Variants in CD36 observed in about 807,000 individuals in gnomAD.
CD36 encodes CD36 molecule (CD36 blood group).
A neutral mutation model predicts 55.2 loss-of-function variants in CD36; 119 were observed. The observed-to-expected ratio is 2.15, with a 90% CI of 1.86 to 2.51. CD36 has a LOEUF of 2.51. Ranked by LOEUF, CD36 falls within the 30% of genes most tolerant of loss-of-function variation. The probability of loss-of-function intolerance (pLI) is 0.00; values close to 1 mark genes in which losing one functional copy is unlikely to be tolerated. For synonymous variants in CD36, 186 were observed against 193.6 expected (o/e 0.96, Z 0.33); for missense variants, 819 against 555.5 (o/e 1.47, Z -4.77).
At position 80,669,989 on chromosome 7, in the gene CD36, AGGTATTGCAGTTCTTTTCTTCT is replaced by A. The variant is rs754365623; in HGVS notation, c.787_808del (p.Val263IlefsTer16). 1.4e-4 allele frequency: 221 copies of A among 1,612,236 alleles called. No homozygotes were observed. Among genetic ancestry groups the A allele is most frequent in the Middle Eastern group, 9.9e-4 (6 of 6,082 alleles). ...TTTCCACCTTTTGTTGAGAAAAGCC[AGGTATTGCAGTTCTTTTCTTCT>A]GATATTTGCAGGTAAGACAGATACT... On this transcript the variant is annotated frameshift_variant, in exon 9 of 15. Transcript: ENST00000447544. LOFTEE classifies it high-confidence loss of function.
At chr7:80,611,809 T>C (rs745745284) in intron 1 of CD36, among the ~76,000 whole-genome samples, 1 of 152,186 alleles carries the variant, frequency 6.6e-6, no homozygotes. Context: ...AGACTGAAGC[T>C]AAAGCTGTAA....
intron 1 of CD36, among the ~76,000 whole-genome samples, chr7:80,606,921 T>A (rs1722511): frequency 6.6e-6 from 1 of 152,166 alleles, no homozygotes; most frequent in African/African-American, 2.4e-5. Context: ...TGCTTGAATG[T>A]TCCTTCCCCT....
chr7:80,619,074 G>A (rs1170044119), intron 1 of CD36, among the ~76,000 whole-genome samples: 1 of 152,160 alleles, frequency 6.6e-6, no homozygotes, highest in Non-Finnish European at 1.5e-5. Context: ...TGAAATCAAT[G>A]CTTACAACCA....
At chr7:80,651,904 G>C (rs1795653735) in intron 3 of CD36, among the ~76,000 whole-genome samples, 1 of 152,016 alleles carries the variant, frequency 6.6e-6, no homozygotes, top group Non-Finnish European at 1.5e-5. Flanking sequence ...GTGAGACCCT[G>C]TCTCCCCCCG....
intron 3 of CD36, among the ~76,000 whole-genome samples, chr7:80,648,607 G>C (rs1795356597): frequency 6.6e-6 from 1 of 151,954 alleles, no homozygotes; most frequent in Non-Finnish European, 1.5e-5. Flanking sequence ...TAATGACTAA[G>C]AGAATAATAT....
At position 80,671,047 on chromosome 7, in the gene CD36, T is replaced by G. The variant is rs1209651691; in HGVS notation, c.889T>G (p.Ser297Ala). Residue 297 changes from serine to alanine, a missense_variant, in exon 10 of 15, where the codon TCC becomes GCC. Coordinates refer to ENST00000447544, the MANE Select transcript of CD36 (RefSeq NM_001001548.3). ...CCCTGTGTATAGATTTGTTCTTCCATCCAAGGCCTTTGCCTCTCCAGTTGA... is the reference window on the plus strand; with the variant it reads ...CCCTGTGTATAGATTTGTTCTTCCAGCCAAGGCCTTTGCCTCTCCAGTTGA... ...GIPVYRFVLP[S>A]KAFASPVENP... The G allele has an allele frequency of 5.6e-6, 9 of 1,612,796 alleles. No homozygotes were observed. The highest frequency in any genetic ancestry group is 7.6e-6 in the Non-Finnish European group (9 of 1,178,986).
chr7:80,630,136 CTAAG>C (rs1793991984), intron 1 of CD36, among the ~76,000 whole-genome samples: 1 of 151,838 alleles, frequency 6.6e-6, no homozygotes, highest in Admixed American at 6.6e-5. Context: ...GGTTAAGAGA[CTAAG>C]TAGCAGAATA....
chr7:80,666,359 G>A (rs1797091557), intron 7 of CD36, 84 bp from the exon 8 acceptor site: 2 of 858,520 alleles, frequency 2.3e-6, no homozygotes, highest in Admixed American at 1.8e-5. Flanking sequence ...ATTAACAGAA[G>A]TATTGAATTA....
At chr7:80,645,780 ATTC>A (rs1310543612) in intron 1 of CD36, among the ~76,000 whole-genome samples, 1 of 150,502 alleles carries the variant, frequency 6.6e-6, no homozygotes, top group African/African-American at 2.4e-5. Flanking sequence ...TAGGGAAAAA[ATTC>A]TTCAGTAAGA....
chr7:80,673,753 C>T (rs911491697), intron 13 of CD36: 4 of 582,684 alleles, frequency 6.9e-6, no homozygotes, highest in Non-Finnish European at 9.1e-6. Context: ...ACTGTTGACC[C>T]TTTGATAGTT....
chr7:80,632,908 C>T (rs13438282), intron 1 of CD36, among the ~76,000 whole-genome samples: 69,174 of 151,448 alleles, frequency 0.46, 16,835 homozygotes, highest in Non-Finnish European at 0.54. Flanking sequence ...TCTTTCTGCC[C>T]GGTAAAAATT....
intron 11 of CD36, 111 bp from the exon 12 acceptor site, chr7:80,672,659 C>A: frequency 2.7e-6 from 2 of 730,768 alleles, no homozygotes; most frequent in South Asian, 3.2e-5. Flanking sequence ...TCAATTAGTC[C>A]TGTTTAACCT....
upstream of CD36, among the ~76,000 whole-genome samples, chr7:80,636,490 A>T (rs1261106637): frequency 6.6e-6 from 1 of 151,680 alleles, no homozygotes; most frequent in Non-Finnish European, 1.5e-5. Flanking sequence ...CTGAGGATTT[A>T]AACTTACATC....
chr7:80,654,221 C>G (rs1311373768), intron 3 of CD36, among the ~76,000 whole-genome samples: 2 of 152,148 alleles, frequency 1.3e-5, no homozygotes, highest in Non-Finnish European at 2.9e-5. Context: ...GGCATTCAAT[C>G]CTGTCAAGCA....
At chr7:80,673,750 A>T (rs979002804) in intron 13 of CD36, 35 of 578,080 alleles carry the variant, frequency 6.1e-5, no homozygotes, top group Middle Eastern at 4.6e-4. Flanking sequence ...GAAACTGTTG[A>T]CCCTTTGATA....
At chr7:80,650,939 A>AC (rs1447429500) in intron 3 of CD36, among the ~76,000 whole-genome samples, 2 of 151,918 alleles carry the variant, frequency 1.3e-5, no homozygotes, top group Non-Finnish European at 2.9e-5. Context: ...AAAAAAAAAA[A>AC]AAAACTAAAA....
chr7:80,609,580 C>T (rs1792759636), intron 1 of CD36, among the ~76,000 whole-genome samples: 1 of 152,112 alleles, frequency 6.6e-6, no homozygotes, highest in Non-Finnish European at 1.5e-5. Flanking sequence ...CACGTTTTCT[C>T]CCAATCAGAA....
At chr7:80,662,370 A>G in intron 5 of CD36, 1 of 208,216 alleles carries the variant, frequency 4.8e-6, no homozygotes, top group South Asian at 9.2e-5. Flanking sequence ...CATCCTCCCC[A>G]ACCTGGGACA....
rs769680506 is a variant in CD36 at position 80,670,030 on chromosome 7, A to G, written c.818+8A>G. 14 of 1,562,254 alleles carry G rather than the reference A, an allele frequency of 9.0e-6. No individual in the cohort carries two copies. Among genetic ancestry groups the G allele is most frequent in the Non-Finnish European group, 8.8e-7 (1 of 1,134,026 alleles). On this transcript the variant is annotated splice_region_variant and intron_variant, in intron 9 of 14. Transcript: ENST00000447544. ...TTCTTCTGATATTTGCAGGTAAGAC[A>G]GATACTGAAGTATAAGTATGTCTGA... is the stretch of plus-strand genomic sequence containing the variant.
Sources: gnomAD v4.1 joint callset for allele counts (sites outside exome capture counted in the v4.1 genomes callset) on GRCh38, gnomAD v4.1.1 for gene constraint, MANE v1.5 for transcripts, NCBI Gene and HGNC (gene_info 2026-07-23, HGNC 2026-07-21) for gene names.